Variants in ANKRD30BL observed in about 807,000 individuals in gnomAD.
ANKRD30BL encodes the protein putative ankyrin repeat domain-containing protein 30B-like.
In ANKRD30BL, 20 loss-of-function variants were observed where a neutral mutation model predicts 18.4. The observed-to-expected ratio is 1.09, with a 90% CI of 0.77 to 1.58. The LOEUF is 1.58. ANKRD30BL is among the 40% of genes most tolerant of loss of function. ANKRD30BL has a pLI of 0.00. For synonymous variants in ANKRD30BL, 72 were observed against 100.9 expected, an observed-to-expected ratio of 0.71 and a Z score of 1.72; for missense variants, 224 against 268.6, an observed-to-expected ratio of 0.83 and a Z score of 1.16.
intron 1 of ANKRD30BL, among the ~76,000 whole-genome samples, chr2:132,173,718 A>G (rs1233733567): frequency 6.6e-6 from 1 of 152,106 alleles, no homozygotes; most frequent in Non-Finnish European, 1.5e-5. Context: ...TTCCTCAGGA[A>G]TAAGTGAAAT....
At chr2:132,208,459 A>G (rs1013574205) in intron 1 of ANKRD30BL, among the ~76,000 whole-genome samples, 4 of 152,084 alleles carry the variant, frequency 2.6e-5, no homozygotes, top group African/African-American at 9.7e-5. Flanking sequence ...TCTGGAGCAT[A>G]TCAACCGGAT....
chr2:132,255,947 G>C (rs2104815853), intron 1 of ANKRD30BL, among the ~76,000 whole-genome samples: 1 of 152,292 alleles, frequency 6.6e-6, no homozygotes, highest in East Asian at 1.9e-4. Context: ...GGGACGGAGA[G>C]GGGCTGACTG....
chr2:132,205,065 T>C (rs1679184054), intron 1 of ANKRD30BL, among the ~76,000 whole-genome samples: 2 of 152,186 alleles, frequency 1.3e-5, no homozygotes, highest in South Asian at 4.1e-4. Context: ...CACATATGAA[T>C]ACAACTCGCA....
chr2:132,249,276 T>C (rs1680587327), intron 1 of ANKRD30BL, among the ~76,000 whole-genome samples: 2 of 152,104 alleles, frequency 1.3e-5, no homozygotes, highest in Non-Finnish European at 2.9e-5. Context: ...TCAGAAAGCT[T>C]CTGTCTAGTT....
intron 1 of ANKRD30BL, among the ~76,000 whole-genome samples, chr2:132,200,591 T>A (rs1347534324): frequency 6.6e-6 from 1 of 152,156 alleles, no homozygotes; most frequent in Non-Finnish European, 1.5e-5. Context: ...TTACAAGGGA[T>A]GTGAAGTACC....
chr2:132,157,778 C>T (rs1243969726), intron 1 of ANKRD30BL, among the ~76,000 whole-genome samples: 1 of 152,120 alleles, frequency 6.6e-6, no homozygotes, highest in Non-Finnish European at 1.5e-5. Flanking sequence ...CACTGTGATG[C>T]CTCATGAGAA....
chr2:132,213,849 A>C (rs1351330247), intron 1 of ANKRD30BL, among the ~76,000 whole-genome samples: 2 of 152,114 alleles, frequency 1.3e-5, no homozygotes, highest in Non-Finnish European at 1.5e-5. Flanking sequence ...CTTTCTTAGA[A>C]AATTCTTTCT....
At chr2:132,237,610 G>T (rs144623895) in intron 1 of ANKRD30BL, among the ~76,000 whole-genome samples, 18 of 151,858 alleles carry the variant, frequency 1.2e-4, no homozygotes, top group African/African-American at 4.4e-4. Context: ...CTGGAAACGG[G>T]TATGTCTTCA....
chr2:132,201,922 G>C (rs1558930161), intron 1 of ANKRD30BL, among the ~76,000 whole-genome samples: 1 of 152,200 alleles, frequency 6.6e-6, no homozygotes, highest in Admixed American at 6.5e-5. Flanking sequence ...ACTGGATTAA[G>C]AAAATGTGGC....
chr2:132,234,848 C>A (rs553518673), intron 1 of ANKRD30BL, among the ~76,000 whole-genome samples: 23 of 152,308 alleles, frequency 1.5e-4, no homozygotes, highest in African/African-American at 5.5e-4. Flanking sequence ...AGGCCAGCAT[C>A]ATTCTGATAC....
rs3114236 is a variant in ANKRD30BL at position 132,147,927 on chromosome 2, C to G, written c.*204G>C. 2 of 518,314 alleles carry G rather than the reference C, an allele frequency of 3.9e-6. No individual in the cohort carries two copies. Among genetic ancestry groups the G allele is most frequent in the African/African-American group, 2.1e-5 (1 of 47,708 alleles). 32.1% of individuals were successfully genotyped at this position (518,314 alleles called of 1,614,324 possible). A position where few individuals can be genotyped will look rare whatever the true frequency, so the allele number is the denominator to read the frequency against. On this transcript the variant is annotated 3_prime_UTR_variant, in exon 6 of 6. Transcript: ENST00000409867. ...GCAGGTGTTAGAGGCTAGAAGGGGG[C>G]TGTTTAATGAAACTAGGGGCAAGGA...
At chr2:132,154,617 C>G in intron 4 of ANKRD30BL, 45 bp downstream of exon 4, 1 of 624,736 alleles carries the variant, frequency 1.6e-6, no homozygotes, top group Non-Finnish European at 2.9e-6. Flanking sequence ...AGTTATTACT[C>G]TAGCACACTA....
chr2:132,210,285 G>A (rs1412385272), intron 1 of ANKRD30BL, among the ~76,000 whole-genome samples: 2 of 151,906 alleles, frequency 1.3e-5, no homozygotes, highest in Non-Finnish European at 2.9e-5. Flanking sequence ...TCTTTTGATT[G>A]AGCAGTTTTG....
At chr2:132,234,051 T>G (rs894600817) in intron 1 of ANKRD30BL, among the ~76,000 whole-genome samples, 1 of 152,044 alleles carries the variant, frequency 6.6e-6, no homozygotes, top group African/African-American at 2.4e-5. Context: ...ACCACTCAAC[T>G]ACATGGAAAC....
At chr2:132,246,010 C>T (rs555616973) in intron 1 of ANKRD30BL, among the ~76,000 whole-genome samples, 62 of 150,758 alleles carry the variant, frequency 4.1e-4, no homozygotes, top group Middle Eastern at 3.5e-3. Context: ...GATGTGCGTA[C>T]TCCAACTCAC....
chr2:132,164,269 CTTTTT>C (rs796313755), upstream of ANKRD30BL, among the ~76,000 whole-genome samples: 2,088 of 112,156 alleles, frequency 0.019, 60 homozygotes, highest in African/African-American at 0.058. Context: ...TTTTCTTTTT[CTTTTT>C]TTTTTTTTTT....
Position 132,174,128 on chromosome 2 carries a change from G to A in ANKRD30BL, n.442-16982C>T, listed in dbSNP as rs372015858. Among the ~76,000 whole-genome samples the A allele has an allele frequency of 2.6e-4, 39 of 152,290 alleles. No homozygotes were observed. The East Asian group carries it at 5.8e-3, about 23-fold the overall frequency. ...TCATTTGTTCTATGACAGATAACTT[G>A]ATGGATCAAGTGGGTTAAAACTAAA... On this transcript the variant is annotated intron_variant and non_coding_transcript_variant, in intron 1 of 4. Coordinates refer to the ANKRD30BL transcript ENST00000470729.
At chr2:132,189,627 C>A (rs1267368806) in intron 1 of ANKRD30BL, among the ~76,000 whole-genome samples, 1 of 151,286 alleles carries the variant, frequency 6.6e-6, no homozygotes, top group Middle Eastern at 3.2e-3. Context: ...GAAACACAAT[C>A]GCTGGTGATG....
chr2:132,222,250 G>A lies in ANKRD30BL; in HGVS notation n.441+35279C>T, dbSNP rs547698803. 5.3e-5 allele frequency among the ~76,000 whole-genome samples: 8 copies of A among 150,346 alleles called. No individual in the cohort carries two copies. In the South Asian group the frequency reaches 8.3e-4, roughly 16 times the overall value. ...CCCCGCCCGGCCAGCCGCCCCATCC[G>A]GGAGGTGAGGGGCGCTTCTGCCCGG... On this transcript the variant is annotated intron_variant and non_coding_transcript_variant, in intron 1 of 4. Coordinates refer to the ANKRD30BL transcript ENST00000470729.
Sources: gnomAD v4.1 joint callset for allele counts (sites outside exome capture counted in the v4.1 genomes callset) on GRCh38, gnomAD v4.1.1 for gene constraint, MANE v1.5 for transcripts, NCBI Gene and HGNC (gene_info 2026-07-23, HGNC 2026-07-21) for gene names.